CFAP299: variants seen among roughly 807,000 people sequenced by gnomAD.
CFAP299 encodes the protein cilia- and flagella-associated protein 299.
In CFAP299, 21 loss-of-function variants were observed where a neutral mutation model predicts 27.0. That is an observed-to-expected ratio of 0.78 (90% CI 0.55 to 1.12). The LOEUF (loss-of-function observed/expected upper bound fraction) is 1.12. Ranked by LOEUF, CFAP299 falls within the 50% of genes most tolerant of loss-of-function variation. The pLI, the probability that CFAP299 is intolerant of heterozygous loss-of-function variation, is 0.00. For synonymous variants in CFAP299, 104 were observed against 98.1 expected, an observed-to-expected ratio of 1.06 and a Z score of -0.36; for missense variants, 310 against 276.6, an observed-to-expected ratio of 1.12 and a Z score of -0.86.
intron 2 of CFAP299, among the ~76,000 whole-genome samples, chr4:80,405,685 T>C (rs1201741841): frequency 6.6e-6 from 1 of 152,054 alleles, no homozygotes; most frequent in Non-Finnish European, 1.5e-5. Flanking sequence ...TATATTAGTA[T>C]TTAAGCACAT....
intron 4 of CFAP299, chr4:80,871,842 C>A (rs2110169247): frequency 6.2e-6 from 1 of 162,442 alleles, no homozygotes; most frequent in East Asian, 1.9e-4. Context: ...GTTCACATTT[C>A]ATTTTCACCC....
At chr4:80,674,465 C>G (rs1424179537) in intron 3 of CFAP299, among the ~76,000 whole-genome samples, 1 of 152,142 alleles carries the variant, frequency 6.6e-6, no homozygotes, top group Non-Finnish European at 1.5e-5. Flanking sequence ...TTTTTTCCCT[C>G]ATTTCAACCT....
intron 2 of CFAP299, among the ~76,000 whole-genome samples, chr4:80,418,863 T>C (rs1476878825): frequency 4.6e-5 from 7 of 152,258 alleles, no homozygotes; most frequent in African/African-American, 1.7e-4. Context: ...CCATTGTGCA[T>C]GTATACCACA....
intron 3 of CFAP299, among the ~76,000 whole-genome samples, chr4:80,788,802 C>G (rs900140310): frequency 6.6e-6 from 1 of 151,942 alleles, no homozygotes; most frequent in African/African-American, 2.4e-5. Context: ...GACACATAAT[C>G]GGCCTCTGAA....
At chr4:80,723,959 G>A (rs1722991051) in intron 3 of CFAP299, among the ~76,000 whole-genome samples, 2 of 151,856 alleles carry the variant, frequency 1.3e-5, no homozygotes, top group Non-Finnish European at 2.9e-5. Flanking sequence ...GAAAAATTAT[G>A]CAAGATAAGA....
chr4:80,723,518 G>A (rs1042892638), intron 3 of CFAP299, among the ~76,000 whole-genome samples: 3 of 151,846 alleles, frequency 2.0e-5, no homozygotes, highest in Non-Finnish European at 4.4e-5. Flanking sequence ...TAAAAAAAAC[G>A]CAAACTAATC....
intron 2 of CFAP299, among the ~76,000 whole-genome samples, chr4:80,363,248 A>G (rs974341133): frequency 5.3e-5 from 8 of 152,204 alleles, no homozygotes. Context: ...AGTATCATTT[A>G]TGTTCTCACA....
intron 3 of CFAP299, among the ~76,000 whole-genome samples, chr4:80,715,257 G>A (rs329392): frequency 0.79 from 119,686 of 152,010 alleles, 49,370 homozygotes; most frequent in East Asian, 0.97. Flanking sequence ...ATGTGATTTG[G>A]TTGGAACATA....
intron 2 of CFAP299, among the ~76,000 whole-genome samples, chr4:80,537,083 G>A (rs192993241): frequency 7.4e-4 from 113 of 152,098 alleles, no homozygotes; most frequent in African/African-American, 2.5e-3. Context: ...AAAGCCAACA[G>A]GAATAAAAAT....
At chr4:80,324,219 T>G in the CFAP299 span, among the ~76,000 whole-genome samples, 2 of 152,198 alleles carry the variant, frequency 1.3e-5, no homozygotes, top group Non-Finnish European at 2.9e-5. Flanking sequence ...TAAACTACAT[T>G]AAAAACTCAG....
rs894398367 is a variant in CFAP299 at position 80,386,562 on chromosome 4, C to A, written c.242+23678C>A. 42 of 1,596,166 alleles carry A rather than the reference C, an allele frequency of 2.6e-5. 1 individual carries two copies. In the African/African-American group the frequency reaches 5.5e-4, roughly 21 times the overall value. ...TGCAGGTCCTTTTCCTTCTGGGGGC[C>A]GAGACGACAGCGGTGATCTTTGAGG... On this transcript the variant is annotated intron_variant, in intron 2 of 5. Coordinates refer to ENST00000358105, the MANE Select transcript of CFAP299 (RefSeq NM_152770.3).
the CFAP299 span, among the ~76,000 whole-genome samples, chr4:80,327,312 A>G: frequency 2.0e-5 from 3 of 152,172 alleles, no homozygotes; most frequent in African/African-American, 7.2e-5. Flanking sequence ...GAAAGAAAAC[A>G]GCATGGCCAT....
At chr4:80,829,888 C>G (rs548347811) in intron 3 of CFAP299, among the ~76,000 whole-genome samples, 1 of 152,052 alleles carries the variant, frequency 6.6e-6, no homozygotes, top group South Asian at 2.1e-4. Context: ...AAAACTCAGA[C>G]AGAAAGTAGA....
chr4:80,808,799 C>T (rs1728995781), intron 3 of CFAP299, among the ~76,000 whole-genome samples: 1 of 152,048 alleles, frequency 6.6e-6, no homozygotes, highest in African/African-American at 2.4e-5. Context: ...TAGGTTAGAG[C>T]CCATTCTCCC....
At chr4:80,512,239 T>TGC (rs993163587) in intron 2 of CFAP299, among the ~76,000 whole-genome samples, 5 of 151,968 alleles carry the variant, frequency 3.3e-5, no homozygotes, top group African/African-American at 1.2e-4. Context: ...TGTGTGTGTG[T>TGC]GTGTGCATGT....
At chr4:80,763,708 C>T (rs1305478724) in intron 3 of CFAP299, among the ~76,000 whole-genome samples, 1 of 152,110 alleles carries the variant, frequency 6.6e-6, no homozygotes, top group Non-Finnish European at 1.5e-5. Context: ...TCAAACTATA[C>T]TATAAGGCTG....
At chr4:80,743,464 T>G (rs145620146) in intron 3 of CFAP299, among the ~76,000 whole-genome samples, 61 of 152,288 alleles carry the variant, frequency 4.0e-4, no homozygotes, top group African/African-American at 1.4e-3. Flanking sequence ...ATGGTGGTGA[T>G]TAATATATGT....
At chr4:80,343,622 T>C (rs1722574978) in intron 1 of CFAP299, among the ~76,000 whole-genome samples, 1 of 151,746 alleles carries the variant, frequency 6.6e-6, no homozygotes, top group South Asian at 2.1e-4. Context: ...ACCCCGTCTC[T>C]ACTAAAAATA....
chr4:80,670,918 AT>A (rs1347892623), intron 3 of CFAP299, among the ~76,000 whole-genome samples: 2 of 152,090 alleles, frequency 1.3e-5, no homozygotes, highest in African/African-American at 4.8e-5. Context: ...GATTGCAAAA[AT>A]TTTCTCCCAT....
Sources: allele counts gnomAD v4.1 joint callset (sites outside exome capture counted in the v4.1 genomes callset), GRCh38; gene constraint gnomAD v4.1.1; transcripts MANE v1.5; gene names NCBI Gene and HGNC (gene_info 2026-07-23, HGNC 2026-07-21).